The following ZNF324B variants were observed in gnomAD, a reference collection of about 807,000 sequenced individuals.
ZNF324B encodes the protein zinc finger protein 324B.
ZNF324B carries 7 observed loss-of-function variants against 10.6 expected under a neutral mutation model. The ratio of observed to expected loss-of-function variants is 0.66; its 90% CI spans 0.38 to 1.24. The LOEUF is 1.24. Ranked by LOEUF, ZNF324B falls within the 50% of genes most tolerant of loss-of-function variation. ZNF324B has a pLI of 0.02. For synonymous variants in ZNF324B, 316 were observed against 321.0 expected (o/e 0.98, Z 0.17); for missense variants, 640 against 764.7 (o/e 0.84, Z 1.92).
the ZNF324B span, chr19:58,436,137 G>A: frequency 2.0e-5 from 3 of 153,106 alleles, no homozygotes; most frequent in Admixed American, 2.0e-4. Context: ...AATCTATATA[G>A]TCAGAAAGTA....
At chr19:58,420,583 T>A in the ZNF324B span, among the ~76,000 whole-genome samples, 1 of 151,840 alleles carries the variant, frequency 6.6e-6, no homozygotes, top group Non-Finnish European at 1.5e-5. Flanking sequence ...TTTTTTTTTT[T>A]AAGAGACAAG....
the ZNF324B span, chr19:58,435,025 T>A: frequency 1.2e-6 from 2 of 1,614,186 alleles, no homozygotes; most frequent in South Asian, 2.2e-5. Flanking sequence ...TGTGTAGGGT[T>A]TCTCCTCAGA....
the ZNF324B span, chr19:58,442,349 T>C: frequency 6.7e-6 from 1 of 149,366 alleles, no homozygotes; most frequent in Non-Finnish European, 1.5e-5. Flanking sequence ...TTTTTTTTTG[T>C]ATTTTTAGTA....
chr19:58,434,934 A>T, the ZNF324B span: 7 of 1,614,132 alleles, frequency 4.3e-6, no homozygotes, highest in Non-Finnish European at 5.9e-6. Context: ...TGTACCATCT[A>T]AAGGGCTTCC....
At chr19:58,454,554 G>T in intron 3 of ZNF324B, 1 of 585,176 alleles carries the variant, frequency 1.7e-6, no homozygotes, top group East Asian at 2.8e-5. Context: ...TCACACAGAA[G>T]GGCCTACCTT....
At chr19:58,435,600 A>G in the ZNF324B span, 2 of 165,694 alleles carry the variant, frequency 1.2e-5, no homozygotes, top group Non-Finnish European at 2.6e-5. Flanking sequence ...TATAATAAAA[A>G]AAAATAAATG....
chr19:58,427,896 G>T, the ZNF324B span, among the ~76,000 whole-genome samples: 1 of 152,154 alleles, frequency 6.6e-6, no homozygotes, highest in Non-Finnish European at 1.5e-5. Flanking sequence ...TTGCTTAGAA[G>T]GCTGAGCCCC....
the ZNF324B span, among the ~76,000 whole-genome samples, chr19:58,420,588 GAC>G: frequency 6.6e-6 from 1 of 151,336 alleles, no homozygotes; most frequent in South Asian, 2.1e-4. Flanking sequence ...TTTTTTAAGA[GAC>G]AAGGTTTTGC....
the ZNF324B span, chr19:58,437,214 T>C: frequency 2.5e-6 from 4 of 1,587,092 alleles, no homozygotes; most frequent in African/African-American, 1.4e-5. Flanking sequence ...CCAAGAAGTA[T>C]GCTGACAAAG....
chr19:58,420,541 G>T, the ZNF324B span, among the ~76,000 whole-genome samples: 1 of 151,638 alleles, frequency 6.6e-6, no homozygotes, highest in African/African-American at 2.4e-5. Flanking sequence ...ACCAGCCTGG[G>T]CAACATGGCA....
the ZNF324B span, chr19:58,439,635 G>A: frequency 3.8e-6 from 4 of 1,061,218 alleles, no homozygotes; most frequent in Non-Finnish European, 5.2e-6. Flanking sequence ...CAGGGCCCAG[G>A]ACCCACGTGT....
In ZNF324B at chr19:58,456,342, C is replaced by T. The variant is rs757699227; in HGVS notation, c.1398C>T (p.Ala466=). The change falls in exon 4 of 4, where the codon GCC becomes GCT. Residue 466 remains alanine, a synonymous_variant. Transcript: ENST00000336614. The surrounding 1 kb of genome is among the most constrained non-coding windows in gnomAD (Gnocchi z 4.7). ...VDCGKGFAKG[A]VLLSHRRIHT... The stretch of plus-strand genomic sequence containing the variant: ...GTGGCAAGGGTTTCGCCAAGGGCGC[C>T]GTGCTGCTCAGCCACCGGCGCATTC... The T allele has an allele frequency of 3.1e-6, 5 of 1,612,536 alleles. No homozygotes were observed. Among genetic ancestry groups the T allele is most frequent in the Non-Finnish European group, 3.4e-6 (4 of 1,179,866 alleles).
chr19:58,425,228 C>T, the ZNF324B span, among the ~76,000 whole-genome samples: 3 of 151,772 alleles, frequency 2.0e-5, no homozygotes, highest in Non-Finnish European at 2.9e-5. Flanking sequence ...TGCACTCCAG[C>T]CTGGGCGACA....
chr19:58,434,527 A>T, the ZNF324B span: 1 of 1,614,166 alleles, frequency 6.2e-7, no homozygotes, highest in African/African-American at 1.3e-5. Flanking sequence ...GTGCTTCCTC[A>T]GCTTAGATGA....
chr19:58,433,948 C>G, the ZNF324B span: 1 of 1,614,092 alleles, frequency 6.2e-7, no homozygotes, highest in Non-Finnish European at 8.5e-7. Context: ...GAGGGTGGAG[C>G]TATTACTGAA....
At chr19:58,446,762 A>G (rs953609946), upstream of ZNF324B, among the ~76,000 whole-genome samples, 4 of 151,448 alleles carry the variant, frequency 2.6e-5, no homozygotes, top group Admixed American at 6.6e-5. Flanking sequence ...ATTTTAGTAG[A>G]GACAGGGTTT....
At chr19:58,433,891 C>A in the ZNF324B span, 1 of 1,614,084 alleles carries the variant, frequency 6.2e-7, no homozygotes, top group Middle Eastern at 1.6e-4. Context: ...CCTACATTCG[C>A]TGCACTCATA....
At chr19:58,437,620 C>T in the ZNF324B span, 34 of 853,836 alleles carry the variant, frequency 4.0e-5, no homozygotes, top group Non-Finnish European at 4.8e-5. Context: ...CACATTCTCT[C>T]ACCTTTACAT....
At chr19:58,449,522 C>G (rs893890094), upstream of ZNF324B, among the ~76,000 whole-genome samples, 1 of 152,216 alleles carries the variant, frequency 6.6e-6, no homozygotes, top group Non-Finnish European at 1.5e-5. Context: ...ATGAAAGCAG[C>G]TGGGAGGGAG....
Sources: allele counts gnomAD v4.1 joint callset (sites outside exome capture counted in the v4.1 genomes callset), GRCh38; gene constraint gnomAD v4.1.1; non-coding constraint Gnocchi (gnomAD v3.1); transcripts MANE v1.5; gene names NCBI Gene and HGNC (gene_info 2026-07-23, HGNC 2026-07-21).